The following PRKCSH variants were observed in gnomAD, a reference collection of about 807,000 sequenced individuals.
PRKCSH encodes the protein glucosidase 2 subunit beta.
A neutral mutation model predicts 79.7 loss-of-function variants in PRKCSH; 42 were observed. That is an observed-to-expected ratio of 0.53 (90% CI 0.41 to 0.68). The LOEUF is 0.68. Ranked by LOEUF, PRKCSH falls within the 30% of genes least tolerant of loss-of-function variation. The probability of loss-of-function intolerance (pLI) is 0.00; values close to 1 mark genes in which losing one functional copy is unlikely to be tolerated. For missense variants in PRKCSH, 686 were observed against 709.0 expected (o/e 0.97, Z 0.37); for synonymous variants, 325 against 288.2 (o/e 1.13, Z -1.29).
chr19:11,436,559 C>G (rs1969757166), intron 3 of PRKCSH, 54 bp downstream of exon 3: 1 of 1,384,574 alleles, frequency 7.2e-7, no homozygotes, highest in Admixed American at 1.9e-5. Flanking sequence ...TGCTCAGTGC[C>G]AGGCCCTGTC....
intron 5 of PRKCSH, among the ~76,000 whole-genome samples, chr19:11,440,363 C>T (rs1002733654): frequency 5.9e-5 from 9 of 151,538 alleles, no homozygotes; most frequent in African/African-American, 1.5e-4. Context: ...CGTGTTAGCC[C>T]GGATGGTCTC....
intron 1 of PRKCSH, 28 bp downstream of exon 1, chr19:11,435,734 C>T (rs1177561706): frequency 3.0e-6 from 4 of 1,342,270 alleles, no homozygotes; most frequent in African/African-American, 1.5e-5. Flanking sequence ...GGTGGGAGGG[C>T]ACCTCAGTTT....
At chr19:11,444,057 C>T (rs369342385) in intron 7 of PRKCSH, among the ~76,000 whole-genome samples, 19 of 152,232 alleles carry the variant, frequency 1.2e-4, no homozygotes, top group African/African-American at 4.3e-4. Context: ...CAGGCATGAG[C>T]CACGGTGCCC....
In PRKCSH at chr19:11,449,577, C is replaced by G. The variant is rs1970496155; in HGVS notation, c.*16+149C>G. The G allele has an allele frequency of 9.1e-7, 1 of 1,093,408 alleles. No individual in the cohort carries two copies. The highest frequency in any genetic ancestry group is 2.2e-5 in the Admixed American group (1 of 44,756). The allele number at this position is 1,093,408 out of a possible 1,614,324, so 67.7% of individuals were successfully genotyped here. On this transcript the variant is annotated intron_variant, in intron 17 of 17. Transcript: ENST00000677123. This position sits in a 1 kb window ranked among gnomAD's most constrained non-coding sequence, Gnocchi z 6.4. ...TGTTTTTTTGAGGTGGAGTCTCACTCTTTGGCCCAGGCTGGAGTGCAGTGA... is the reference window on the plus strand; with the variant it reads ...TGTTTTTTTGAGGTGGAGTCTCACTGTTTGGCCCAGGCTGGAGTGCAGTGA...
At chr19:11,436,295 G>A (rs763844084) in intron 2 of PRKCSH, 94 bp from the exon 3 acceptor site, 2 of 1,580,884 alleles carry the variant, frequency 1.3e-6, no homozygotes, top group South Asian at 1.1e-5. Flanking sequence ...TCAGTTTCCC[G>A]GTAGTGCTCC....
chr19:11,448,341 T>C lies in PRKCSH; in HGVS notation c.1196+50T>C, dbSNP rs757854136. 5.8e-6 allele frequency: 9 copies of C among 1,549,300 alleles called. No individual in the cohort carries two copies. The African/African-American group carries it at 1.2e-4, about 21-fold the overall frequency. ...CACCTGTCCCACAGCGACTGCTCCT[T>C]GACTCCCAGGGGAGCTGGTGATGGG... On this transcript the variant is annotated intron_variant, in intron 13 of 17. Transcript: ENST00000677123. The surrounding 1 kb of genome is among the most constrained non-coding windows in gnomAD (Gnocchi z 4.4).
At chr19:11,442,599 T>C (rs2144826894) in intron 7 of PRKCSH, 84 bp downstream of exon 7, 1 of 1,554,430 alleles carries the variant, frequency 6.4e-7, no homozygotes, top group Non-Finnish European at 8.7e-7. Context: ...CATTATCTGT[T>C]GTCAGTTTCA....
At chr19:11,443,544 CA>C (rs1209714150) in intron 7 of PRKCSH, among the ~76,000 whole-genome samples, 4,107 of 103,346 alleles carry the variant, frequency 0.04, 149 homozygotes, top group African/African-American at 0.12. Flanking sequence ...GACTCCGTCT[CA>C]AAAAAAAAAA....
chr19:11,442,973 G>A (rs1970131505), intron 7 of PRKCSH, among the ~76,000 whole-genome samples: 1 of 152,006 alleles, frequency 6.6e-6, no homozygotes, highest in South Asian at 2.1e-4. Context: ...CAGAGTGCTG[G>A]GATTACAGGC....
At position 11,448,828 on chromosome 19, in the gene PRKCSH, G is replaced by C. The variant is rs1465035175; in HGVS notation, c.1287-86G>C. The C allele has an allele frequency of 2.6e-6, 4 of 1,523,546 alleles. No homozygotes were observed. The highest frequency in any genetic ancestry group is 1.7e-4 in the Middle Eastern group (1 of 5,906). 94.4% of individuals were successfully genotyped at this position (1,523,546 alleles called of 1,614,324 possible). On this transcript the variant is annotated intron_variant, in intron 14 of 17. Coordinates refer to ENST00000677123, the MANE Select transcript of PRKCSH (RefSeq NM_001289104.2). The surrounding 1 kb of genome is among the most constrained non-coding windows in gnomAD (Gnocchi z 4.4). ...TGGAGTTGGAGGTACCCTGTGTGTG[G>C]GGACTGGAGGAGGCGGTGGGGGGTG...
At position 11,449,207 on chromosome 19, in the gene PRKCSH, G is replaced by C; in HGVS notation, c.1461+32G>C. On this transcript the variant is annotated intron_variant, in intron 16 of 17. Coordinates refer to ENST00000677123, the MANE Select transcript of PRKCSH (RefSeq NM_001289104.2). The surrounding 1 kb of genome is among the most constrained non-coding windows in gnomAD (Gnocchi z 6.4). The stretch of plus-strand genomic sequence containing the variant: ...GCCTGCAAGGCAGGGGAGCTGGGGC[G>C]GGGAGACCCAGGCCTGGCCCAGCCG... The C allele has an allele frequency of 4.3e-6, 7 of 1,613,564 alleles. No homozygotes were observed. The highest frequency in any genetic ancestry group is 5.9e-6 in the Non-Finnish European group (7 of 1,179,956).
chr19:11,443,519 C>G (rs964185861), intron 7 of PRKCSH, among the ~76,000 whole-genome samples: 1 of 150,050 alleles, frequency 6.7e-6, no homozygotes, highest in African/African-American at 2.5e-5. Flanking sequence ...ATATTCCAGC[C>G]TGGCAACAGA....
intron 7 of PRKCSH, among the ~76,000 whole-genome samples, chr19:11,444,869 A>T (rs1046004761): frequency 2.0e-5 from 3 of 149,176 alleles, no homozygotes; most frequent in Non-Finnish European, 4.5e-5. Flanking sequence ...CTGCCCCGAC[A>T]TGCCTCTGCC....
In PRKCSH at chr19:11,438,244, G is replaced by T. The variant is rs1334188454; in HGVS notation, c.350+120G>T. On this transcript the variant is annotated intron_variant, in intron 5 of 17. Coordinates refer to ENST00000677123, the MANE Select transcript of PRKCSH (RefSeq NM_001289104.2). ...GTATCGGGTTCTCTGTCTGTGCCAGGTGCCTTGTGAATCCTAATCCCCACC... is the reference window on the plus strand; with the variant it reads ...GTATCGGGTTCTCTGTCTGTGCCAGTTGCCTTGTGAATCCTAATCCCCACC... 5 of 1,144,932 alleles carry T rather than the reference G, an allele frequency of 4.4e-6. No individual in the cohort carries two copies. The African/African-American group carries it at 7.7e-5, about 18-fold the overall frequency. 70.9% of individuals were successfully genotyped at this position (1,144,932 alleles called of 1,614,324 possible). A position where few individuals can be genotyped will look rare whatever the true frequency, so the allele number is the denominator to read the frequency against.
rs1970384364 is a variant in PRKCSH, at chr19:11,447,701, A to G, written c.1038A>G (p.Pro346=). ...EVQGEQPKEA[P]PPLSPPQPAS... ...CCCTGCCCCTGCCCCAGGAGGCCCCACCGCCACTGTCACCCCCGCAGCCGG... is the reference window on the plus strand; with the variant it reads ...CCCTGCCCCTGCCCCAGGAGGCCCCGCCGCCACTGTCACCCCCGCAGCCGG... The change falls in exon 12 of 18, where the codon CCA becomes CCG. Residue 346 remains proline (P), a synonymous_variant. Transcript: ENST00000677123. The surrounding 1 kb of genome is among the most constrained non-coding windows in gnomAD (Gnocchi z 5.6). The G allele has an allele frequency of 6.4e-7, 1 of 1,572,720 alleles. No individual in the cohort carries two copies. The highest frequency in any genetic ancestry group is 8.6e-7 in the Non-Finnish European group (1 of 1,158,348).
In PRKCSH at chr19:11,447,422, C is replaced by T. The variant is rs1213716139; in HGVS notation, c.850-17C>T. On this transcript the variant is annotated splice_polypyrimidine_tract_variant and intron_variant, in intron 10 of 17. Transcript: ENST00000677123. This position sits in a 1 kb window ranked among gnomAD's most constrained non-coding sequence, Gnocchi z 5.6. ...GACCCTGAGTCCACAACACCGACCG[C>T]ACTGCTCACCCGCCAGGCACTGCCC... is the stretch of plus-strand genomic sequence containing the variant. 4.3e-6 allele frequency: 7 copies of T among 1,612,860 alleles called. No individual in the cohort carries two copies. The highest frequency in any genetic ancestry group is 3.3e-5 in the Admixed American group (2 of 59,984).
At chr19:11,436,790 G>A (rs1969771345) in intron 3 of PRKCSH, 1 of 427,204 alleles carries the variant, frequency 2.3e-6, no homozygotes, top group African/African-American at 2.0e-5. Context: ...ACCCCTAGAA[G>A]TGGGAGACAG....
intron 9 of PRKCSH, 91 bp from the exon 10 acceptor site, chr19:11,446,983 C>T: frequency 7.2e-7 from 1 of 1,385,272 alleles, no homozygotes; most frequent in Admixed American, 1.7e-5. Context: ...CCCAGCCCTC[C>T]CGTGCCTGGC....
chr19:11,446,943 T>A, intron 9 of PRKCSH, 131 bp from the exon 10 acceptor site: 1 of 912,606 alleles, frequency 1.1e-6, no homozygotes, highest in Non-Finnish European at 1.8e-6. Context: ...CTCACTGGCG[T>A]GGCCCTGGCC....
Sources: gnomAD v4.1 joint callset for allele counts (sites outside exome capture counted in the v4.1 genomes callset) on GRCh38, gnomAD v4.1.1 for gene constraint, Gnocchi (gnomAD v3.1) non-coding constraint, MANE v1.5 for transcripts, NCBI Gene and HGNC (gene_info 2026-07-23, HGNC 2026-07-21) for gene names.